The following SGCD variants were observed in gnomAD, a reference collection of about 807,000 sequenced individuals.
SGCD encodes the protein delta-sarcoglycan.
In SGCD, 18 loss-of-function variants were observed where a neutral mutation model predicts 36.6. The ratio of observed to expected loss-of-function variants is 0.49; its 90% CI spans 0.34 to 0.73. SGCD has a LOEUF of 0.73. Among genes scored for constraint, SGCD ranks in the 30% least tolerant of loss-of-function variants. The pLI is 0.01. For synonymous variants in SGCD, 133 were observed against 130.6 expected, an observed-to-expected ratio of 1.02 and a Z score of -0.12; for missense variants, 387 against 346.7, an observed-to-expected ratio of 1.12 and a Z score of -0.92.
chr5:156,062,554 G>T (rs1468082756), intron 1 of SGCD, among the ~76,000 whole-genome samples: 1 of 105,350 alleles, frequency 9.5e-6, no homozygotes, highest in African/African-American at 4.5e-5. Flanking sequence ...CACCAACAGT[G>T]TAAAAGTGTT....
intron 4 of SGCD, among the ~76,000 whole-genome samples, chr5:156,512,846 T>C (rs185293753): frequency 6.6e-6 from 1 of 152,298 alleles, no homozygotes; most frequent in East Asian, 1.9e-4. Flanking sequence ...TAAGAGTATC[T>C]GAATAATGTT....
intron 3 of SGCD, among the ~76,000 whole-genome samples, chr5:156,249,179 G>A (rs992333662): frequency 6.6e-6 from 1 of 152,202 alleles, no homozygotes; most frequent in African/African-American, 2.4e-5. Context: ...AGAGATTTGA[G>A]GACTGAGCCT....
chr5:156,491,574 C>T (rs1755938931), intron 3 of SGCD, among the ~76,000 whole-genome samples: 1 of 152,040 alleles, frequency 6.6e-6, no homozygotes, highest in African/African-American at 2.4e-5. Flanking sequence ...ATTATGTGCA[C>T]TCCATAAATA....
At position 156,050,201 on chromosome 5, in the gene SGCD, A is replaced by G. The variant is rs1759880763; in HGVS notation, c.-281-67677A>G. Among the ~76,000 whole-genome samples the G allele has an allele frequency of 2.0e-5, 3 of 146,524 alleles. 1 individual carries two copies. The highest frequency in any genetic ancestry group is 7.4e-5 in the African/African-American group (3 of 40,670). ...GAAAAGAAGAACCAACTGATGCTACAGAATTCATTGTCATCTTATTTTAAG... is the reference window on the plus strand; with the variant it reads ...GAAAAGAAGAACCAACTGATGCTACGGAATTCATTGTCATCTTATTTTAAG... On this transcript the variant is annotated intron_variant, in intron 1 of 9. Coordinates refer to the SGCD transcript ENST00000517913.
At chr5:155,779,409 G>A in the SGCD span, among the ~76,000 whole-genome samples, 1 of 152,100 alleles carries the variant, frequency 6.6e-6, no homozygotes, top group Non-Finnish European at 1.5e-5. Flanking sequence ...TTGCACTCTA[G>A]TCTGGGTGAT....
At chr5:156,720,635 G>A (rs1229218895) in intron 7 of SGCD, among the ~76,000 whole-genome samples, 1 of 152,214 alleles carries the variant, frequency 6.6e-6, no homozygotes, top group Non-Finnish European at 1.5e-5. Context: ...TGGGTTTTGA[G>A]CAAAGGCCTG....
the SGCD span, among the ~76,000 whole-genome samples, chr5:155,732,783 TTTCCCCAGTTG>T: frequency 1.3e-5 from 2 of 152,136 alleles, no homozygotes; most frequent in Non-Finnish European, 2.9e-5. Context: ...ACACTACCAT[TTTCCCCAGTTG>T]TTCCCTCACT....
chr5:156,544,826 T>G (rs897079073), intron 4 of SGCD, among the ~76,000 whole-genome samples: 1 of 152,190 alleles, frequency 6.6e-6, no homozygotes, highest in Non-Finnish European at 1.5e-5. Context: ...ATTGTCACCC[T>G]TATCTTAACG....
At chr5:155,860,847 A>C in the SGCD span, among the ~76,000 whole-genome samples, 1 of 152,220 alleles carries the variant, frequency 6.6e-6, no homozygotes, top group Non-Finnish European at 1.5e-5. Context: ...TCTGAAACAA[A>C]AACAATTTGA....
chr5:156,218,257 T>C (rs1042730398), intron 3 of SGCD, among the ~76,000 whole-genome samples: 2 of 151,880 alleles, frequency 1.3e-5, no homozygotes, highest in Admixed American at 1.3e-4. Flanking sequence ...ATCTCAAAGA[T>C]TAAAAATAAA....
chr5:156,175,028 G>A (rs960289830), intron 3 of SGCD, among the ~76,000 whole-genome samples: 3 of 152,096 alleles, frequency 2.0e-5, no homozygotes, highest in African/African-American at 7.2e-5. Context: ...AATGAGTCTA[G>A]GGAAAGAGTA....
At chr5:155,739,500 C>T in the SGCD span, among the ~76,000 whole-genome samples, 7,860 of 152,224 alleles carry the variant, frequency 0.052, 253 homozygotes, top group Middle Eastern at 0.075. Context: ...TTCCATCTAA[C>T]CTGCCTCAGC....
chr5:156,604,079 A>G (rs6890122), intron 6 of SGCD, among the ~76,000 whole-genome samples: 1 of 151,676 alleles, frequency 6.6e-6, no homozygotes, highest in African/African-American at 2.4e-5. Flanking sequence ...AGTGCTTTGG[A>G]ATTGGGTTTC....
intron 3 of SGCD, among the ~76,000 whole-genome samples, chr5:156,208,504 T>C (rs545383351): frequency 6.6e-6 from 1 of 152,198 alleles, no homozygotes; most frequent in Non-Finnish European, 1.5e-5. Flanking sequence ...CATGAGGATG[T>C]GGGTGATATA....
At chr5:156,323,917 T>C (rs75587878), upstream of SGCD, among the ~76,000 whole-genome samples, 2,125 of 152,274 alleles carry the variant, frequency 0.014, 22 homozygotes, top group Non-Finnish European at 0.023. Flanking sequence ...ATACTAGCAG[T>C]GCCTACATAG....
At chr5:156,404,816 A>C (rs1772328487) in intron 3 of SGCD, among the ~76,000 whole-genome samples, 1 of 152,228 alleles carries the variant, frequency 6.6e-6, no homozygotes, top group African/African-American at 2.4e-5. Context: ...GAAGATGTAC[A>C]TCATGGTAGA....
At chr5:156,506,101 A>T (rs1203677830) in intron 3 of SGCD, among the ~76,000 whole-genome samples, 9 of 152,224 alleles carry the variant, frequency 5.9e-5, no homozygotes, top group African/African-American at 1.7e-4. Flanking sequence ...AGATTTTTAA[A>T]AACTAACAAA....
chr5:156,617,743 A>T (rs1220249674), intron 6 of SGCD, among the ~76,000 whole-genome samples: 1 of 152,110 alleles, frequency 6.6e-6, no homozygotes, highest in East Asian at 1.9e-4. Context: ...GCACCCAGCC[A>T]CCCAGCCCAT....
intron 3 of SGCD, among the ~76,000 whole-genome samples, chr5:156,410,707 C>T (rs751373235): frequency 9.9e-5 from 15 of 152,254 alleles, no homozygotes; most frequent in East Asian, 3.9e-4. Flanking sequence ...CTTTGATGGA[C>T]AGTCAAGCTC....
Sources: allele counts gnomAD v4.1 joint callset (sites outside exome capture counted in the v4.1 genomes callset), GRCh38; gene constraint gnomAD v4.1.1; transcripts MANE v1.5; gene names NCBI Gene and HGNC (gene_info 2026-07-23, HGNC 2026-07-21).